Variants in POLA1 observed in about 807,000 individuals in gnomAD.
The protein encoded by POLA1 is DNA polymerase alpha catalytic subunit.
POLA1 carries 15 observed loss-of-function variants against 124.0 expected under a neutral mutation model. The ratio of observed to expected loss-of-function variants is 0.12; its 90% CI spans 0.08 to 0.19. The LOEUF (loss-of-function observed/expected upper bound fraction) is 0.19, where lower values mean the gene tolerates loss of function less well. Among genes scored for constraint, POLA1 ranks in the 10% least tolerant of loss-of-function variants. The pLI is 1.00. For synonymous variants in POLA1, 408 were observed against 389.4 expected (o/e 1.05, Z -0.56); for missense variants, 886 against 1,103.4 (o/e 0.80, Z 2.79).
At chrX:24,951,360 C>A (rs1377373346) in intron 36 of POLA1, among the ~76,000 whole-genome samples, 1 of 45,753 alleles carries the variant, frequency 2.2e-5, no homozygotes, top group Non-Finnish European at 4.1e-5. Flanking sequence ...CCCCCCCCCA[C>A]CAAATGCAGA....
chrX:24,800,900 G>A (rs2045694370), intron 26 of POLA1, among the ~76,000 whole-genome samples: 1 of 112,201 alleles, frequency 8.9e-6, no homozygotes, highest in Non-Finnish European at 1.9e-5. Flanking sequence ...CTGTCAAACT[G>A]TAGGGCAATA....
At chrX:24,963,982 T>TGG (rs2048195778) in intron 36 of POLA1, among the ~76,000 whole-genome samples, 3 of 111,535 alleles carry the variant, frequency 2.7e-5, no homozygotes, top group African/African-American at 9.8e-5. Context: ...TTTCCCTAGG[T>TGG]GCTAATTGAG....
In POLA1 at chrX:24,714,667, G is replaced by T. The variant is rs753155937; in HGVS notation, c.460G>T (p.Asp154Tyr). The change falls in exon 5 of 37, where the codon GAT (aspartate) becomes TAT (tyrosine). Residue 154 changes from aspartate to tyrosine, a missense_variant and splice_region_variant. Around this residue, in one of 7 missense-constraint regions of POLA1, gnomAD observed 337 missense variants for 402.8 expected, o/e 0.84. Coordinates refer to ENST00000379068, the MANE Select transcript of POLA1 (RefSeq NM_001330360.2). ...TGCTTGTGCTGGAAAGAAAACTGCA[G>T]ATGTGAGTTTCATGGTTTCCTTATT... ...FIACAGKKTA[D>Y]KAVDLSKDGL... 6.7e-5 allele frequency: 73 copies of T among 1,091,941 alleles called. No individual in the cohort carries two copies. The South Asian group carries it at 1.1e-3, about 17-fold the overall frequency. The allele number at this position is 1,091,941 out of a possible 1,213,427, so 90.0% of individuals were successfully genotyped here. A position where few individuals can be genotyped will look rare whatever the true frequency, so the allele number is the denominator to read the frequency against.
chrX:24,947,711 G>A (rs1028131174), intron 36 of POLA1, among the ~76,000 whole-genome samples: 2 of 112,128 alleles, frequency 1.8e-5, no homozygotes, highest in African/African-American at 3.2e-5. Context: ...GTGAAGAACC[G>A]CTAAGAGACT....
intron 26 of POLA1, among the ~76,000 whole-genome samples, chrX:24,790,250 G>A (rs956880833): frequency 8.9e-6 from 1 of 112,003 alleles, no homozygotes; most frequent in Non-Finnish European, 1.9e-5. Context: ...AGAAACTATA[G>A]TTGCAGGAGG....
chrX:24,707,485 AGAAATTTTTATTTCGT>A (rs946423998), intron 4 of POLA1, among the ~76,000 whole-genome samples: 9 of 112,275 alleles, frequency 8.0e-5, no homozygotes, highest in African/African-American at 2.6e-4. Context: ...AGCTAGTCTT[AGAAATTTTTATTTCGT>A]GCTTTGCCAC....
chrX:24,919,827 T>A (rs754826784), intron 35 of POLA1, among the ~76,000 whole-genome samples: 1 of 94,758 alleles, frequency 1.1e-5, no homozygotes, highest in Non-Finnish European at 2.0e-5. Context: ...TTTGTTTTTT[T>A]TTTTGTTTTG....
At chrX:24,706,864 T>A (rs1261950724) in intron 4 of POLA1, among the ~76,000 whole-genome samples, 8 of 112,601 alleles carry the variant, frequency 7.1e-5, no homozygotes, top group Non-Finnish European at 1.9e-5. Context: ...TTAAAACCTT[T>A]TAATTTTACT....
At chrX:24,971,123 C>G (rs2048296969) in intron 36 of POLA1, among the ~76,000 whole-genome samples, 1 of 112,329 alleles carries the variant, frequency 8.9e-6, no homozygotes, top group Non-Finnish European at 1.9e-5. Flanking sequence ...AGTAGCCATC[C>G]TGTGATTTCA....
intron 26 of POLA1, among the ~76,000 whole-genome samples, chrX:24,771,784 T>G (rs1569303658): frequency 8.9e-6 from 1 of 111,941 alleles, no homozygotes; most frequent in South Asian, 3.7e-4. Flanking sequence ...AAAGTGCTAG[T>G]TTTAAAAGTT....
chrX:24,751,878 C>T (rs1431972594), intron 26 of POLA1, among the ~76,000 whole-genome samples: 4 of 111,403 alleles, frequency 3.6e-5, no homozygotes, highest in African/African-American at 9.8e-5. Context: ...TGACAAGATA[C>T]GAGTGGGCAG....
In POLA1 at chrX:24,923,203, A is replaced by G. The variant is rs142000251; in HGVS notation, c.4165-7250A>G. Among the ~76,000 whole-genome samples the G allele has an allele frequency of 2.5e-3, 282 of 111,950 alleles. 1 individual carries two copies. The highest frequency in any genetic ancestry group is 8.2e-3 in the African/African-American group (252 of 30,836). On this transcript the variant is annotated intron_variant, in intron 35 of 36. Transcript: ENST00000379068. ...TATAATCTTCTAACAGCAGAATGCG[A>G]CCAGTGGCACTTCCCCTAAAAAAAA...
chrX:24,723,112 A>T (rs1206245624), intron 10 of POLA1, 43 bp from the exon 11 acceptor site: 1 of 939,360 alleles, frequency 1.1e-6, no homozygotes, highest in Non-Finnish European at 1.5e-6. Flanking sequence ...ATTAGGTGAA[A>T]TTGAAATGTT....
intron 26 of POLA1, among the ~76,000 whole-genome samples, chrX:24,762,249 C>T (rs979161262): frequency 1.8e-5 from 2 of 111,978 alleles, no homozygotes; most frequent in South Asian, 3.8e-4. Flanking sequence ...AGGCATGCCA[C>T]GTGGTGCTGC....
chrX:24,741,623 C>A, intron 21 of POLA1, 119 bp downstream of exon 21: 1 of 629,105 alleles, frequency 1.6e-6, no homozygotes, highest in Non-Finnish European at 2.4e-6. Flanking sequence ...AACTTGGATT[C>A]TGAAAGCTGG....
At chrX:24,947,014 T>C (rs1458578710) in intron 36 of POLA1, among the ~76,000 whole-genome samples, 1 of 111,213 alleles carries the variant, frequency 9.0e-6, no homozygotes, top group Admixed American at 9.6e-5. Flanking sequence ...ACTAATAGAG[T>C]TGGGCTGTGA....
intron 26 of POLA1, among the ~76,000 whole-genome samples, chrX:24,776,025 G>A (rs1312408252): frequency 5.4e-5 from 6 of 111,796 alleles, no homozygotes; most frequent in Non-Finnish European, 1.1e-4. Flanking sequence ...GAACACCACT[G>A]TAGCATTTAG....
chrX:24,732,599 G>GTGT, intron 16 of POLA1, 145 bp downstream of exon 16: 1 of 210,941 alleles, frequency 4.7e-6, no homozygotes, highest in African/African-American at 4.1e-5. Context: ...GTTTTTTTTT[G>GTGT]TTTTTTTTTT....
At chrX:24,959,102 T>C (rs1288997781) in intron 36 of POLA1, among the ~76,000 whole-genome samples, 1 of 111,391 alleles carries the variant, frequency 9.0e-6, no homozygotes. Context: ...ACTCCATACC[T>C]ATCCTGTCAT....
Sources: gnomAD v4.1 joint callset for allele counts (sites outside exome capture counted in the v4.1 genomes callset) on GRCh38, gnomAD v4.1.1 for gene constraint, gnomAD v4.1.1 regional missense constraint, MANE v1.5 for transcripts, NCBI Gene and HGNC (gene_info 2026-07-23, HGNC 2026-07-21) for gene names.